FBXL7: variants seen among roughly 807,000 people sequenced by gnomAD.
FBXL7 encodes the protein F-box and leucine rich repeat protein 7.
FBXL7 carries 12 observed loss-of-function variants against 38.3 expected under a neutral mutation model. That is an observed-to-expected ratio of 0.31 (90% CI 0.20 to 0.51). FBXL7 has a LOEUF of 0.51. FBXL7 is among the 20% of genes least tolerant of loss of function. FBXL7 has a pLI of 0.98. For missense variants in FBXL7, 567 were observed against 676.4 expected (o/e 0.84, Z 1.79); for synonymous variants, 297 against 300.9 (o/e 0.99, Z 0.13).
At chr5:15,826,655 G>A (rs1223614720) in intron 2 of FBXL7, among the ~76,000 whole-genome samples, 1 of 152,080 alleles carries the variant, frequency 6.6e-6, no homozygotes, top group East Asian at 1.9e-4. Context: ...CTGTCCTCAA[G>A]TGATCTGCCC....
At chr5:15,510,470 G>A (rs1736764780) in intron 1 of FBXL7, among the ~76,000 whole-genome samples, 2 of 152,154 alleles carry the variant, frequency 1.3e-5, no homozygotes. Context: ...TTAAGTCCAA[G>A]ACCAAGGGCA....
chr5:15,591,334 C>G (rs1739468638), intron 1 of FBXL7, among the ~76,000 whole-genome samples: 1 of 150,894 alleles, frequency 6.6e-6, no homozygotes, highest in African/African-American at 2.4e-5. Flanking sequence ...GAGGCTGAGG[C>G]AGGAGAATGG....
chr5:15,722,930 C>CACAAAAAACA (rs1554017099), intron 2 of FBXL7, among the ~76,000 whole-genome samples: 2 of 142,080 alleles, frequency 1.4e-5, no homozygotes, highest in Non-Finnish European at 1.5e-5. Flanking sequence ...TCAAAAAAAA[C>CACAAAAAACA]AAAAAAAAAA....
intron 2 of FBXL7, among the ~76,000 whole-genome samples, chr5:15,868,552 A>C (rs1265750698): frequency 6.6e-6 from 1 of 152,196 alleles, no homozygotes; most frequent in Non-Finnish European, 1.5e-5. Context: ...GAGTGGCCAC[A>C]TTCTGTACAT....
chr5:15,814,132 G>T (rs2126756391), intron 2 of FBXL7, among the ~76,000 whole-genome samples: 1 of 152,250 alleles, frequency 6.6e-6, no homozygotes, highest in South Asian at 2.1e-4. Context: ...GCACACATAT[G>T]TTTATTGCAG....
At chr5:15,916,252 T>G (rs1290323024) in intron 2 of FBXL7, among the ~76,000 whole-genome samples, 2 of 152,160 alleles carry the variant, frequency 1.3e-5, no homozygotes, top group Admixed American at 1.3e-4. Flanking sequence ...ACCTGAATTT[T>G]CAGTTTAATA....
At chr5:15,781,956 T>A (rs562925805) in intron 2 of FBXL7, among the ~76,000 whole-genome samples, 70 of 152,116 alleles carry the variant, frequency 4.6e-4, no homozygotes, top group African/African-American at 1.6e-3. Context: ...CATTAGGTAT[T>A]TCTCGTAATG....
chr5:15,893,026 G>T (rs1324309913), intron 2 of FBXL7, among the ~76,000 whole-genome samples: 1 of 151,584 alleles, frequency 6.6e-6, no homozygotes, highest in African/African-American at 2.4e-5. Context: ...TGAGACAGGA[G>T]AATGGCGCGA....
intron 1 of FBXL7, among the ~76,000 whole-genome samples, chr5:15,504,597 A>G (rs1287380483): frequency 1.3e-5 from 2 of 152,194 alleles, no homozygotes; most frequent in Non-Finnish European, 2.9e-5. Flanking sequence ...TTGCTGTTAG[A>G]GAGACTTGGA....
intron 2 of FBXL7, among the ~76,000 whole-genome samples, chr5:15,617,770 G>C (rs975458986): frequency 1.3e-5 from 2 of 152,086 alleles, no homozygotes; most frequent in African/African-American, 4.8e-5. Flanking sequence ...TCATTCTTAG[G>C]AGCCATAGTG....
chr5:15,545,061 C>T (rs2126413622), intron 1 of FBXL7, among the ~76,000 whole-genome samples: 1 of 152,290 alleles, frequency 6.6e-6, no homozygotes, highest in African/African-American at 2.4e-5. Flanking sequence ...GGTGCTGTCT[C>T]CCTGCCTTAT....
intron 2 of FBXL7, among the ~76,000 whole-genome samples, chr5:15,780,483 T>A (rs1353004173): frequency 6.6e-6 from 1 of 152,108 alleles, no homozygotes; most frequent in Admixed American, 6.6e-5. Flanking sequence ...AGAAAACAAT[T>A]TGTTAGGTAA....
intron 2 of FBXL7, among the ~76,000 whole-genome samples, chr5:15,926,426 TAC>T (rs1384788505): frequency 6.7e-6 from 1 of 148,546 alleles, no homozygotes; most frequent in Non-Finnish European, 1.5e-5. Context: ...GATCTAATAA[TAC>T]ATATATACAT....
chr5:15,775,346 T>C, intron 2 of FBXL7, among the ~76,000 whole-genome samples: 1 of 152,084 alleles, frequency 6.6e-6, no homozygotes, highest in East Asian at 1.9e-4. Context: ...GTCATGTTTT[T>C]GGAAGTTAGT....
chr5:15,562,481 A>T (rs774904293), intron 1 of FBXL7, among the ~76,000 whole-genome samples: 2 of 152,218 alleles, frequency 1.3e-5, no homozygotes, highest in Non-Finnish European at 2.9e-5. Flanking sequence ...GAAAACAGAA[A>T]AATGGCCAAC....
chr5:15,606,022 G>A (rs749062678), intron 1 of FBXL7, among the ~76,000 whole-genome samples: 3 of 152,044 alleles, frequency 2.0e-5, no homozygotes, highest in South Asian at 2.1e-4. Flanking sequence ...ATTTTTATCT[G>A]TCAATTAATT....
chr5:15,536,096 G>C (rs1418338841), intron 1 of FBXL7, among the ~76,000 whole-genome samples: 2 of 152,256 alleles, frequency 1.3e-5, no homozygotes, highest in Non-Finnish European at 2.9e-5. Flanking sequence ...ATGGTGTTGG[G>C]CCTGCAGGTG....
intron 2 of FBXL7, among the ~76,000 whole-genome samples, chr5:15,810,123 G>GA (rs1198717140): frequency 1.3e-5 from 2 of 151,844 alleles, no homozygotes; most frequent in Non-Finnish European, 2.9e-5. Context: ...CAATTTATGT[G>GA]AAAAATAATA....
intron 2 of FBXL7, among the ~76,000 whole-genome samples, chr5:15,781,536 T>A (rs992054542): frequency 1.3e-5 from 2 of 151,970 alleles, no homozygotes; most frequent in East Asian, 1.9e-4. Context: ...GTGCCTGATA[T>A]TGAGAAATAG....
Sources: allele counts gnomAD v4.1 joint callset (sites outside exome capture counted in the v4.1 genomes callset), GRCh38; gene constraint gnomAD v4.1.1; transcripts MANE v1.5; gene names NCBI Gene and HGNC (gene_info 2026-07-23, HGNC 2026-07-21).